Variants in RFPL2 observed in about 807,000 individuals in gnomAD.
RFPL2 encodes the protein ret finger protein like 2.
RFPL2 carries 13 observed loss-of-function variants against 17.8 expected under a neutral mutation model. The observed-to-expected ratio is 0.73, with a 90% CI of 0.47 to 1.16. The LOEUF (loss-of-function observed/expected upper bound fraction) is 1.16. Ranked by LOEUF, RFPL2 falls within the 50% of genes most tolerant of loss-of-function variation. The pLI, the probability that RFPL2 is intolerant of heterozygous loss-of-function variation, is 0.00. For synonymous variants in RFPL2, 189 were observed against 180.9 expected (o/e 1.04, Z -0.36); for missense variants, 431 against 479.3 (o/e 0.90, Z 0.94).
At chr22:32,193,949 G>T (rs1157146938) in intron 3 of RFPL2, among the ~76,000 whole-genome samples, 1 of 150,752 alleles carries the variant, frequency 6.6e-6, no homozygotes, top group Admixed American at 6.6e-5. Context: ...GAGGCAGGAA[G>T]ATCCCTTGAA....
In RFPL2 at chr22:32,202,314, A is replaced by G; in HGVS notation, c.119+19T>C. On this transcript the variant is annotated intron_variant, in intron 2 of 4. Transcript: ENST00000652607. ...ACTCCACCCTGGAGCAATGCGGAAA[A>G]CCCAGAATTGTCTCTCACCTCAGGC... 6.3e-7 allele frequency: 1 copy of G among 1,576,354 alleles called. No individual in the cohort carries two copies.
intron 2 of RFPL2, among the ~76,000 whole-genome samples, chr22:32,194,864 A>G (rs1395484662): frequency 6.6e-6 from 1 of 152,192 alleles, no homozygotes; most frequent in Non-Finnish European, 1.5e-5. Context: ...ATTTGTTTCC[A>G]TTGGTTTATT....
At position 32,202,390 on chromosome 22, in the gene RFPL2, CAT is replaced by C; in HGVS notation, c.60_61del (p.Ala22CysfsTer29). Reference sequence around the variant, plus strand: ...GTCCCAGTGGCCACACAATACAGCACATAGACAGATCCTGGATTGGGACACTG... The same window carrying C: ...GTCCCAGTGGCCACACAATACAGCACAGACAGATCCTGGATTGGGACACTG... On this transcript the variant is annotated frameshift_variant, in exon 2 of 5. Coordinates refer to ENST00000652607, the MANE Select transcript of RFPL2 (RefSeq NM_001394555.1). LOFTEE classifies it high-confidence loss of function. 6.2e-7 allele frequency: 1 copy of C among 1,606,496 alleles called. No individual in the cohort carries two copies. Among genetic ancestry groups the C allele is most frequent in the Non-Finnish European group, 8.5e-7 (1 of 1,176,634 alleles).
intron 2 of RFPL2, among the ~76,000 whole-genome samples, chr22:32,199,651 C>T (rs974112225): frequency 1.3e-5 from 2 of 152,102 alleles, no homozygotes; most frequent in African/African-American, 2.4e-5. Context: ...CAGCGGCAGG[C>T]GGTTGAGGGT....
intron 2 of RFPL2, among the ~76,000 whole-genome samples, chr22:32,199,738 C>T (rs1923721345): frequency 6.6e-6 from 1 of 152,186 alleles, no homozygotes. Flanking sequence ...CTCAGAGGTT[C>T]CCTGAATGAC....
intron 4 of RFPL2, among the ~76,000 whole-genome samples, chr22:32,191,598 T>A (rs781192876): frequency 6.6e-6 from 1 of 152,250 alleles, no homozygotes; most frequent in African/African-American, 2.4e-5. Context: ...GTTTGCTTCA[T>A]TGGCCTTTTC....
At chr22:32,193,350 C>A in intron 3 of RFPL2, 158 bp from the exon 4 acceptor site, 3 of 1,563,066 alleles carry the variant, frequency 1.9e-6, no homozygotes, top group Admixed American at 1.8e-5. Flanking sequence ...CACATCCCCC[C>A]ACCCCCCGTC....
At chr22:32,194,995 A>G (rs1923167675) in intron 2 of RFPL2, among the ~76,000 whole-genome samples, 1 of 152,214 alleles carries the variant, frequency 6.6e-6, no homozygotes, top group African/African-American at 2.4e-5. Flanking sequence ...AAAAGTCACA[A>G]TTTAAAAAAA....
At position 32,204,722 on chromosome 22, in the gene RFPL2, A is replaced by G. The variant is rs1489816717; in HGVS notation, c.-115T>C. Among the ~76,000 whole-genome samples, 2 of 152,168 alleles carry G rather than the reference A, an allele frequency of 1.3e-5. No individual in the cohort carries two copies. The highest frequency in any genetic ancestry group is 2.9e-5 in the Non-Finnish European group (2 of 68,026). On this transcript the variant is annotated 5_prime_UTR_variant, in exon 1 of 5. Coordinates refer to ENST00000652607, the MANE Select transcript of RFPL2 (RefSeq NM_001394555.1). ...CTCCTCTAACCTGGGCATGGAGCAGATGGGCTGGCAGACGCAGAAGTGCCT... is the reference window on the plus strand; with the variant it reads ...CTCCTCTAACCTGGGCATGGAGCAGGTGGGCTGGCAGACGCAGAAGTGCCT...
At position 32,192,994 on chromosome 22, in the gene RFPL2, C is replaced by T. The variant is rs1938182558; in HGVS notation, c.464G>A (p.Arg155Gln). Residue 155 changes from arginine (R) to glutamine (Q), a missense_variant, in exon 4 of 5, where the codon CGG becomes CAG. Coordinates refer to ENST00000652607, the MANE Select transcript of RFPL2 (RefSeq NM_001394555.1). The stretch of plus-strand genomic sequence containing the variant: ...GTGGGAAGCCAGCCTCTCTAGCTGC[C>T]GATTGCGCCTGATTTTGTTCTTCCG... ...VSRKNKIRRN[R>Q]QLERLASHIK... 5.6e-6 allele frequency: 9 copies of T among 1,614,022 alleles called. No homozygotes were observed. In the East Asian group the frequency reaches 6.7e-5, roughly 12 times the overall value.
At chr22:32,195,763 T>G (rs1923264906) in intron 2 of RFPL2, among the ~76,000 whole-genome samples, 3 of 152,040 alleles carry the variant, frequency 2.0e-5, no homozygotes, top group Non-Finnish European at 1.5e-5. Context: ...CGGCCAACAT[T>G]TATTATTTCT....
chr22:32,196,535 T>C (rs546510587), intron 2 of RFPL2, among the ~76,000 whole-genome samples: 1 of 152,266 alleles, frequency 6.6e-6, no homozygotes, highest in Non-Finnish European at 1.5e-5. Flanking sequence ...AAGCAATCAT[T>C]TGGGGTTTGC....
intron 1 of RFPL2, chr22:32,203,258 A>G: frequency 5.4e-6 from 1 of 186,664 alleles, no homozygotes; most frequent in Non-Finnish European, 1.0e-5. Context: ...AGCCACGGAT[A>G]CCACCCTCAA....
At chr22:32,203,662 G>GC (rs1924212007) in intron 1 of RFPL2, among the ~76,000 whole-genome samples, 1 of 151,060 alleles carries the variant, frequency 6.6e-6, no homozygotes, top group African/African-American at 2.4e-5. Flanking sequence ...CATGGGTAGC[G>GC]CCCCCAACCA....
intron 2 of RFPL2, among the ~76,000 whole-genome samples, chr22:32,195,717 C>G (rs765433142): frequency 1.3e-5 from 2 of 152,040 alleles, no homozygotes; most frequent in Non-Finnish European, 2.9e-5. Context: ...CTTGGCCTCC[C>G]AAAATGCTGG....
chr22:32,200,806 T>A (rs533453419), intron 2 of RFPL2, among the ~76,000 whole-genome samples: 2 of 152,218 alleles, frequency 1.3e-5, no homozygotes, highest in East Asian at 3.9e-4. Context: ...TCCCCAGCCC[T>A]GAAAGCCGGG....
intron 2 of RFPL2, among the ~76,000 whole-genome samples, chr22:32,195,170 A>G (rs1333212903): frequency 1.3e-5 from 2 of 152,194 alleles, no homozygotes; most frequent in East Asian, 1.9e-4. Context: ...TAATTTGAAT[A>G]TAATCTTATC....
At chr22:32,202,588 C>G (rs780406863) in intron 1 of RFPL2, 38 bp from the exon 2 acceptor site, 2 of 1,441,198 alleles carry the variant, frequency 1.4e-6, no homozygotes, top group Non-Finnish European at 1.8e-6. Context: ...TAGAGCGCAC[C>G]TTGTCATGCT....
rs747635132 is a variant in RFPL2, at chr22:32,191,274, C to A, written c.635G>T (p.Arg212Leu). The A allele has an allele frequency of 3.9e-4, 622 of 1,613,720 alleles. 11 individuals carry two copies. In the South Asian group the frequency reaches 4.0e-3, roughly 10 times the overall value. The change falls in exon 5 of 5, where the codon CGC (arginine) becomes CTC (leucine). Residue 212 changes from arginine (R) to leucine (L), a missense_variant. Physicochemically the swap from Arg to Leu is moderately radical, Grantham distance 102. Coordinates refer to ENST00000652607, the MANE Select transcript of RFPL2 (RefSeq NM_001394555.1). ...AAGGTCTTGCCGATTCTGTCTGATG[C>A]GCCCACTTCGGACGCTCCTGAGGTC... is the stretch of plus-strand genomic sequence containing the variant. ...SDDLRSVRSG[R>L]IRQNRQDLAE...
Sources: gnomAD v4.1 joint callset for allele counts (sites outside exome capture counted in the v4.1 genomes callset) on GRCh38, gnomAD v4.1.1 for gene constraint, MANE v1.5 for transcripts, NCBI Gene and HGNC (gene_info 2026-07-23, HGNC 2026-07-21) for gene names.